GLRA2: variants seen among roughly 807,000 people sequenced by gnomAD.
GLRA2 encodes the protein glycine receptor subunit alpha-2.
A neutral mutation model predicts 31.6 loss-of-function variants in GLRA2; 11 were observed. The ratio of observed to expected loss-of-function variants is 0.35; its 90% CI spans 0.22 to 0.58. The LOEUF is 0.58. Ranked by LOEUF, GLRA2 falls within the 20% of genes least tolerant of loss-of-function variation. The pLI is 0.84. For missense variants in GLRA2, 212 were observed against 351.8 expected, an observed-to-expected ratio of 0.60 and a Z score of 3.18; for synonymous variants, 132 against 134.0, an observed-to-expected ratio of 0.99 and a Z score of 0.10.
the GLRA2 span, among the ~76,000 whole-genome samples, chrX:14,497,477 G>A: frequency 4.5e-5 from 5 of 111,451 alleles, no homozygotes; most frequent in Admixed American, 4.8e-4. Flanking sequence ...GTTATATGAA[G>A]TGGGTTTTCT....
chrX:14,712,152 A>G (rs1158732515), intron 8 of GLRA2, among the ~76,000 whole-genome samples: 1 of 112,871 alleles, frequency 8.9e-6, no homozygotes, highest in African/African-American at 3.2e-5. Flanking sequence ...ACATTATATT[A>G]TAGTCATTTG....
intron 7 of GLRA2, among the ~76,000 whole-genome samples, chrX:14,674,649 G>C (rs1424052678): frequency 2.7e-5 from 3 of 111,358 alleles, no homozygotes; most frequent in African/African-American, 9.8e-5. Flanking sequence ...ATTCACCTAG[G>C]ATTCAAATCC....
At chrX:14,510,233 G>A in the GLRA2 span, among the ~76,000 whole-genome samples, 2 of 111,821 alleles carry the variant, frequency 1.8e-5, no homozygotes, top group African/African-American at 3.2e-5. Context: ...CTGAAAACTA[G>A]GAAGAGCTGT....
intron 8 of GLRA2, among the ~76,000 whole-genome samples, chrX:14,703,425 A>G (rs1199311468): frequency 8.9e-6 from 1 of 111,822 alleles, no homozygotes; most frequent in Non-Finnish European, 1.9e-5. Flanking sequence ...CTCTGACCAC[A>G]GTTGAGAAAG....
chrX:14,564,468 C>T lies in GLRA2; in HGVS notation c.203-9865C>T, dbSNP rs766536989. On this transcript the variant is annotated intron_variant, in intron 2 of 8. Coordinates refer to ENST00000218075, the MANE Select transcript of GLRA2 (RefSeq NM_002063.4). ...ACGAGAAATGATAAAGGGAGTCCTTCAAGCTGAAATAAAAGGATGCTAAAC... is the reference window on the plus strand; with the variant it reads ...ACGAGAAATGATAAAGGGAGTCCTTTAAGCTGAAATAAAAGGATGCTAAAC... Among the ~76,000 whole-genome samples, 204 of 111,665 alleles carry T rather than the reference C, an allele frequency of 1.8e-3. 1 individual carries two copies. Among genetic ancestry groups the T allele is most frequent in the African/African-American group, 6.5e-3 (200 of 30,839 alleles).
intron 7 of GLRA2, among the ~76,000 whole-genome samples, chrX:14,688,526 G>A (rs2091305746): frequency 9.0e-6 from 1 of 111,490 alleles, no homozygotes; most frequent in Non-Finnish European, 1.9e-5. Flanking sequence ...CATCCTCGCT[G>A]CTGCCTTGCA....
chrX:14,484,721 A>AGAGG, the GLRA2 span, among the ~76,000 whole-genome samples: 1 of 111,888 alleles, frequency 8.9e-6, no homozygotes, highest in African/African-American at 3.3e-5. Context: ...TTAGATGTAT[A>AGAGG]GAGGGACACT....
chrX:14,454,728 G>T, the GLRA2 span, among the ~76,000 whole-genome samples: 1 of 111,420 alleles, frequency 9.0e-6, no homozygotes, highest in Non-Finnish European at 1.9e-5. Flanking sequence ...AGTAAACATT[G>T]TCTGTTGCCA....
chrX:14,713,974 T>A (rs1277132213), intron 8 of GLRA2, among the ~76,000 whole-genome samples: 3 of 111,528 alleles, frequency 2.7e-5, no homozygotes, highest in Non-Finnish European at 5.7e-5. Flanking sequence ...AGATGACTAC[T>A]GCAATAATTC....
intron 4 of GLRA2, among the ~76,000 whole-genome samples, chrX:14,584,196 C>T (rs1168821507): frequency 1.8e-5 from 2 of 111,614 alleles, no homozygotes; most frequent in Non-Finnish European, 3.8e-5. Flanking sequence ...TATCCCTGAA[C>T]CTAAAATCAG....
In GLRA2 at chrX:14,607,292, T is replaced by C. The variant is rs770639274; in HGVS notation, c.715+24T>C. 8.1e-6 allele frequency: 9 copies of C among 1,109,363 alleles called. No homozygotes were observed. In the African/African-American group the frequency reaches 9.5e-5, roughly 12 times the overall value. The allele number at this position is 1,109,363 out of a possible 1,213,427, so 91.4% of individuals were successfully genotyped here. On this transcript the variant is annotated intron_variant, in intron 6 of 8. Coordinates refer to ENST00000218075, the MANE Select transcript of GLRA2 (RefSeq NM_002063.4). Reference sequence around the variant, plus strand: ...TGGTAAGTTTCTTTTTTTTTTTTTTTCAGCTGTTAAACACAAGTGAGCGCC... The same window carrying C: ...TGGTAAGTTTCTTTTTTTTTTTTTTCCAGCTGTTAAACACAAGTGAGCGCC...
chrX:14,559,542 G>A (rs1038252714), intron 2 of GLRA2, among the ~76,000 whole-genome samples: 1 of 97,431 alleles, frequency 1.0e-5, no homozygotes, highest in Non-Finnish European at 2.0e-5. Context: ...TCAGCCTCCC[G>A]AGTAGCTGGG....
intron 7 of GLRA2, among the ~76,000 whole-genome samples, chrX:14,657,156 G>A (rs2090949227): frequency 1.8e-5 from 2 of 112,081 alleles, no homozygotes; most frequent in African/African-American, 3.2e-5. Flanking sequence ...TAAAGGATCC[G>A]TATTTAAGTC....
the GLRA2 span, among the ~76,000 whole-genome samples, chrX:14,463,367 C>G: frequency 3.6e-5 from 4 of 111,421 alleles, no homozygotes; most frequent in Non-Finnish European, 7.5e-5. Context: ...GCTGGGAGAA[C>G]CACTGCTCTC....
In GLRA2 at chrX:14,662,677, CA is replaced by C. The variant is rs750313455; in HGVS notation, c.931-28032del. 2.7e-5 allele frequency among the ~76,000 whole-genome samples: 3 copies of C among 111,676 alleles called. No individual in the cohort carries two copies. In the East Asian group the frequency reaches 8.4e-4, roughly 31 times the overall value. On this transcript the variant is annotated intron_variant, in intron 7 of 8. Transcript: ENST00000218075. ...TCCCTGACCACATATACTATGGGCA[CA>C]GTACCTAAGTTTGCATCTCTGTCAA...
At chrX:14,700,060 T>C (rs1411007252) in intron 8 of GLRA2, among the ~76,000 whole-genome samples, 1 of 110,810 alleles carries the variant, frequency 9.0e-6, no homozygotes, top group Non-Finnish European at 1.9e-5. Context: ...AAATAATCTG[T>C]ACAATAATCT....
chrX:14,514,707 A>T, the GLRA2 span, among the ~76,000 whole-genome samples: 5 of 110,701 alleles, frequency 4.5e-5, no homozygotes, highest in Admixed American at 2.9e-4. Context: ...CTGGTCAACA[A>T]TTTTTTTTAG....
intron 2 of GLRA2, among the ~76,000 whole-genome samples, chrX:14,552,515 G>T (rs1256556092): frequency 1.8e-5 from 2 of 112,535 alleles, no homozygotes; most frequent in Non-Finnish European, 3.7e-5. Flanking sequence ...AGACAGAGAA[G>T]CTGGTCAAAT....
At chrX:14,551,763 A>G (rs1291863621) in intron 2 of GLRA2, among the ~76,000 whole-genome samples, 2 of 111,612 alleles carry the variant, frequency 1.8e-5, no homozygotes, top group African/African-American at 3.3e-5. Flanking sequence ...TCATTTAACA[A>G]TCTCAAATCA....
Sources: gnomAD v4.1 joint callset for allele counts (sites outside exome capture counted in the v4.1 genomes callset) on GRCh38, gnomAD v4.1.1 for gene constraint, MANE v1.5 for transcripts, NCBI Gene and HGNC (gene_info 2026-07-23, HGNC 2026-07-21) for gene names.